JAKMIP2: variants seen among roughly 807,000 people sequenced by gnomAD.
The protein encoded by JAKMIP2 is janus kinase and microtubule-interacting protein 2.
A neutral mutation model predicts 115.0 loss-of-function variants in JAKMIP2; 25 were observed. That is an observed-to-expected ratio of 0.22 (90% CI 0.16 to 0.30). The LOEUF (loss-of-function observed/expected upper bound fraction) is 0.30, where lower values mean the gene tolerates loss of function less well. Among genes scored for constraint, JAKMIP2 ranks in the 10% least tolerant of loss-of-function variants. The probability of loss-of-function intolerance (pLI) is 1.00; values close to 1 mark genes in which losing one functional copy is unlikely to be tolerated. For synonymous variants in JAKMIP2, 334 were observed against 343.6 expected (o/e 0.97, Z 0.31); for missense variants, 642 against 957.6 (o/e 0.67, Z 4.35).
intron 13 of JAKMIP2, among the ~76,000 whole-genome samples, chr5:147,632,438 G>A (rs1180851938): frequency 6.6e-6 from 1 of 152,086 alleles, no homozygotes; most frequent in African/African-American, 2.4e-5. Flanking sequence ...TAGTAATGTT[G>A]AAAAGCACAG....
intron 3 of JAKMIP2, among the ~76,000 whole-genome samples, chr5:147,659,853 CTA>C (rs1403157382): frequency 6.6e-6 from 1 of 152,124 alleles, no homozygotes; most frequent in African/African-American, 2.4e-5. Context: ...CAGTTACACT[CTA>C]TTGCAGTATA....
intron 5 of JAKMIP2, among the ~76,000 whole-genome samples, chr5:147,646,443 A>C (rs1184782657): frequency 6.6e-6 from 1 of 152,080 alleles, no homozygotes; most frequent in African/African-American, 2.4e-5. Flanking sequence ...TAAATATTTA[A>C]ATTTACTTAT....
intron 1 of JAKMIP2, among the ~76,000 whole-genome samples, chr5:147,742,500 T>C (rs933449925): frequency 6.6e-6 from 1 of 152,100 alleles, no homozygotes; most frequent in Non-Finnish European, 1.5e-5. Flanking sequence ...CTAGCTCCCA[T>C]GAAGTTTGCA....
chr5:147,649,531 T>C (rs542655637), intron 4 of JAKMIP2, among the ~76,000 whole-genome samples: 4 of 152,258 alleles, frequency 2.6e-5, no homozygotes, highest in African/African-American at 7.2e-5. Flanking sequence ...CTAGAGCCCA[T>C]TCTCTTGACA....
intron 1 of JAKMIP2, among the ~76,000 whole-genome samples, chr5:147,711,061 TAG>T (rs1252827141): frequency 6.6e-6 from 1 of 152,240 alleles, no homozygotes; most frequent in Non-Finnish European, 1.5e-5. Context: ...TCTGCAATAG[TAG>T]AGACATGAAT....
intron 1 of JAKMIP2, among the ~76,000 whole-genome samples, chr5:147,690,507 TATA>T (rs1465487390): frequency 7.0e-6 from 1 of 143,138 alleles, no homozygotes; most frequent in Admixed American, 7.2e-5. Flanking sequence ...AAGTCCAAAG[TATA>T]ATGTCATTCA....
chr5:147,695,673 T>TGA (rs1277623900), intron 1 of JAKMIP2, among the ~76,000 whole-genome samples: 3 of 144,160 alleles, frequency 2.1e-5, no homozygotes, highest in African/African-American at 7.8e-5. Flanking sequence ...TGTGTGTGTG[T>TGA]GTGTGAGAGA....
chr5:147,632,560 T>G, intron 13 of JAKMIP2, 120 bp downstream of exon 13: 5 of 685,532 alleles, frequency 7.3e-6, no homozygotes, highest in South Asian at 6.0e-5. Context: ...TGAGGGTGAT[T>G]GTGAGGTCCA....
intron 1 of JAKMIP2, among the ~76,000 whole-genome samples, chr5:147,750,787 T>A (rs1276216166): frequency 6.6e-6 from 1 of 152,026 alleles, no homozygotes; most frequent in East Asian, 1.9e-4. Context: ...GGTATCCTTA[T>A]CAAGAGAGGA....
At chr5:147,603,651 T>A (rs1392251336) in intron 20 of JAKMIP2, among the ~76,000 whole-genome samples, 2 of 152,204 alleles carry the variant, frequency 1.3e-5, no homozygotes, top group Non-Finnish European at 2.9e-5. Context: ...CTGGATTGTT[T>A]TTGAAGTGGT....
At chr5:147,612,422 C>G (rs369213870) in intron 19 of JAKMIP2, 51 bp from the exon 20 acceptor site, 6 of 1,106,412 alleles carry the variant, frequency 5.4e-6, no homozygotes, top group Non-Finnish European at 6.6e-6. Flanking sequence ...GTAAGTTGTG[C>G]GGAAAAATAA....
At chr5:147,631,153 A>G (rs1034840447) in intron 14 of JAKMIP2, among the ~76,000 whole-genome samples, 1 of 152,320 alleles carries the variant, frequency 6.6e-6, no homozygotes, top group East Asian at 1.9e-4. Flanking sequence ...ATTTTGATGC[A>G]GCGTCTTTCT....
chr5:147,743,328 A>G (rs1301671185), intron 1 of JAKMIP2, among the ~76,000 whole-genome samples: 1 of 152,232 alleles, frequency 6.6e-6, no homozygotes, highest in Non-Finnish European at 1.5e-5. Flanking sequence ...AACCTGCTAA[A>G]GATACAAAAA....
At chr5:147,605,545 G>A (rs564649366) in intron 20 of JAKMIP2, among the ~76,000 whole-genome samples, 3 of 152,102 alleles carry the variant, frequency 2.0e-5, no homozygotes, top group South Asian at 2.1e-4. Flanking sequence ...TAACAATCAT[G>A]GGCATTTGGG....
chr5:147,707,051 A>G (rs1373008788), intron 1 of JAKMIP2, among the ~76,000 whole-genome samples: 1 of 152,170 alleles, frequency 6.6e-6, no homozygotes, highest in Admixed American at 6.5e-5. Context: ...TTTTTAATAC[A>G]GGCAGTTAAA....
intron 5 of JAKMIP2, among the ~76,000 whole-genome samples, chr5:147,646,491 AAATATCTAT>A (rs1758134230): frequency 6.6e-6 from 1 of 152,144 alleles, no homozygotes; most frequent in Non-Finnish European, 1.5e-5. Context: ...TACATAAAGA[AAATATCTAT>A]AATTCTATCA....
In JAKMIP2 at chr5:147,748,207, G is replaced by A. The variant is rs556485469; in HGVS notation, c.-149+34249C>T. Reference sequence around the variant, plus strand: ...GTTTATTGACATTCTGTGTCTTCACGTGTGAAATGTGGATAATGATAATAC... The same window carrying A: ...GTTTATTGACATTCTGTGTCTTCACATGTGAAATGTGGATAATGATAATAC... On this transcript the variant is annotated intron_variant, in intron 1 of 21. Coordinates refer to ENST00000616793, the MANE Select transcript of JAKMIP2 (RefSeq NM_001270941.2). 3.9e-5 allele frequency among the ~76,000 whole-genome samples: 6 copies of A among 152,264 alleles called. No homozygotes were observed. In the South Asian group the frequency reaches 6.2e-4, roughly 16 times the overall value.
chr5:147,734,696 G>T (rs2126978609), intron 1 of JAKMIP2, among the ~76,000 whole-genome samples: 1 of 150,872 alleles, frequency 6.6e-6, no homozygotes, highest in African/African-American at 2.4e-5. Flanking sequence ...ATTTATTTGT[G>T]ATAAACTTTC....
At chr5:147,770,024 A>T in intron 1 of JAKMIP2, among the ~76,000 whole-genome samples, 1 of 152,142 alleles carries the variant, frequency 6.6e-6, no homozygotes, top group East Asian at 1.9e-4. Context: ...ATTCCTTTTA[A>T]TATTTTCATT....
Sources: allele counts gnomAD v4.1 joint callset (sites outside exome capture counted in the v4.1 genomes callset), GRCh38; gene constraint gnomAD v4.1.1; transcripts MANE v1.5; gene names NCBI Gene and HGNC (gene_info 2026-07-23, HGNC 2026-07-21).